The following IL1RAPL2 variants were observed in gnomAD, a reference collection of about 807,000 sequenced individuals.
IL1RAPL2 encodes X-linked interleukin-1 receptor accessory protein-like 2.
IL1RAPL2 carries 3 observed loss-of-function variants against 44.1 expected under a neutral mutation model. The observed-to-expected ratio is 0.07, with a 90% confidence interval of 0.03 to 0.18. The LOEUF (loss-of-function observed/expected upper bound fraction) is 0.18, where lower values mean the gene tolerates loss of function less well. IL1RAPL2 is among the 10% of genes least tolerant of loss of function. The pLI, the probability that IL1RAPL2 is intolerant of heterozygous loss-of-function variation, is 1.00. For synonymous variants in IL1RAPL2, 181 were observed against 178.8 expected (o/e 1.01, Z -0.10); for missense variants, 391 against 496.4 (o/e 0.79, Z 2.02).
chrX:105,365,038 G>A (rs2035283379), intron 5 of IL1RAPL2, among the ~76,000 whole-genome samples: 2 of 111,525 alleles, frequency 1.8e-5, no homozygotes, highest in African/African-American at 3.3e-5. Context: ...CTATAGGCTT[G>A]ACATATATGG....
intron 2 of IL1RAPL2, among the ~76,000 whole-genome samples, chrX:104,895,225 G>A (rs748326835): frequency 4.5e-5 from 5 of 112,319 alleles, no homozygotes; most frequent in Admixed American, 1.9e-4. Context: ...TAGACTACTC[G>A]GGGGTCAGGG....
intron 2 of IL1RAPL2, among the ~76,000 whole-genome samples, chrX:104,767,970 T>A (rs901129631): frequency 8.9e-6 from 1 of 112,515 alleles, no homozygotes; most frequent in Non-Finnish European, 1.9e-5. Flanking sequence ...ATGTATTTTT[T>A]AATTTTAAAA....
intron 2 of IL1RAPL2, among the ~76,000 whole-genome samples, chrX:104,826,577 A>C (rs977377278): frequency 8.9e-6 from 1 of 111,755 alleles, no homozygotes; most frequent in Admixed American, 9.5e-5. Flanking sequence ...GCTGAGAAGA[A>C]TGTATATTCT....
chrX:105,318,514 G>T (rs1346119091), intron 5 of IL1RAPL2, among the ~76,000 whole-genome samples: 1 of 111,490 alleles, frequency 9.0e-6, no homozygotes, highest in African/African-American at 3.3e-5. Flanking sequence ...ATAAGAAGTA[G>T]ATCAATTAAA....
chrX:104,912,136 G>A (rs1221963237), intron 2 of IL1RAPL2, among the ~76,000 whole-genome samples: 2 of 10,110 alleles, frequency 2.0e-4, no homozygotes, highest in Non-Finnish European at 4.5e-3. Flanking sequence ...GGTGGACAGG[G>A]ATTTTTTTTT....
intron 2 of IL1RAPL2, among the ~76,000 whole-genome samples, chrX:104,865,472 A>C (rs763643834): frequency 2.7e-5 from 3 of 111,388 alleles, no homozygotes; most frequent in Non-Finnish European, 5.7e-5. Flanking sequence ...GGGATGGTTA[A>C]TATTGAGTGT....
intron 2 of IL1RAPL2, among the ~76,000 whole-genome samples, chrX:105,144,896 G>A (rs1430905954): frequency 1.8e-5 from 2 of 110,892 alleles, no homozygotes; most frequent in Non-Finnish European, 3.8e-5. Flanking sequence ...AGTCCAAGGA[G>A]CTAGTCAGGT....
chrX:105,029,741 A>T (rs1327753875), intron 2 of IL1RAPL2, among the ~76,000 whole-genome samples: 2 of 110,931 alleles, frequency 1.8e-5, no homozygotes, highest in Non-Finnish European at 3.8e-5. Flanking sequence ...TAGCAGCATG[A>T]TTTATAATCC....
chrX:104,660,087 T>A (rs1465695576), intron 2 of IL1RAPL2, among the ~76,000 whole-genome samples: 1 of 111,704 alleles, frequency 9.0e-6, no homozygotes, highest in Non-Finnish European at 1.9e-5. Flanking sequence ...GGGCAATATA[T>A]TGTCTTTTTC....
intron 1 of IL1RAPL2, among the ~76,000 whole-genome samples, chrX:104,639,002 T>G (rs1402893116): frequency 8.9e-6 from 1 of 112,607 alleles, no homozygotes; most frequent in Non-Finnish European, 1.9e-5. Flanking sequence ...CTTTTTAGAT[T>G]TAGTAATATT....
intron 2 of IL1RAPL2, among the ~76,000 whole-genome samples, chrX:105,151,323 A>AT (rs2033225435): frequency 9.0e-6 from 1 of 110,676 alleles, no homozygotes; most frequent in African/African-American, 3.3e-5. Flanking sequence ...GTGACTTGAC[A>AT]TTTTTTTTAA....
At chrX:105,745,033 T>C (rs1569471130) in intron 8 of IL1RAPL2, among the ~76,000 whole-genome samples, 1 of 111,382 alleles carries the variant, frequency 9.0e-6, no homozygotes. Context: ...CTGGGTAATT[T>C]TTAAACATTA....
chrX:105,131,531 A>G (rs780673545), intron 2 of IL1RAPL2, among the ~76,000 whole-genome samples: 1 of 103,384 alleles, frequency 9.7e-6, no homozygotes, highest in African/African-American at 3.5e-5. Flanking sequence ...ACCTGTAAAT[A>G]TTTTTTTTTT....
intron 5 of IL1RAPL2, among the ~76,000 whole-genome samples, chrX:105,353,933 C>G (rs1355888167): frequency 9.0e-6 from 1 of 110,961 alleles, no homozygotes; most frequent in Non-Finnish European, 1.9e-5. Context: ...TTTCCTTCTC[C>G]TGCCTGATTG....
chrX:105,411,141 C>T (rs765921671), intron 5 of IL1RAPL2, among the ~76,000 whole-genome samples: 1 of 110,605 alleles, frequency 9.0e-6, no homozygotes, highest in Admixed American at 9.6e-5. Context: ...ATGATAACCA[C>T]AAACAAAGAA....
At chrX:105,403,385 T>G (rs1569435656) in intron 5 of IL1RAPL2, among the ~76,000 whole-genome samples, 2 of 111,095 alleles carry the variant, frequency 1.8e-5, no homozygotes, top group Non-Finnish European at 3.8e-5. Context: ...GAAATATTAT[T>G]TTTTTTCTAA....
chrX:104,623,028 C>A (rs930619036), intron 1 of IL1RAPL2, among the ~76,000 whole-genome samples: 4 of 111,094 alleles, frequency 3.6e-5, no homozygotes, highest in African/African-American at 1.3e-4. Flanking sequence ...TTTGTCATAA[C>A]CTTCTGTTTG....
intron 2 of IL1RAPL2, among the ~76,000 whole-genome samples, chrX:105,029,817 G>A (rs2031451082): frequency 9.0e-6 from 1 of 111,232 alleles, no homozygotes; most frequent in Admixed American, 9.6e-5. Context: ...GATCCCTGAG[G>A]AATTGCCACA....
chrX:104,917,566 G>T (rs956187172), intron 2 of IL1RAPL2, among the ~76,000 whole-genome samples: 2 of 111,673 alleles, frequency 1.8e-5, no homozygotes, highest in African/African-American at 6.5e-5. Context: ...TAACATGCAG[G>T]AATGGAATTC....
Sources: allele counts gnomAD v4.1 joint callset (sites outside exome capture counted in the v4.1 genomes callset), GRCh38; gene constraint gnomAD v4.1.1; transcripts MANE v1.5; gene names NCBI Gene and HGNC (gene_info 2026-07-23, HGNC 2026-07-21).